SLC35F4: variants seen among roughly 807,000 people sequenced by gnomAD.
The protein encoded by SLC35F4 is chromosome 14 open reading frame 36.
In SLC35F4, 24 loss-of-function variants were observed where a neutral mutation model predicts 44.2. The ratio of observed to expected loss-of-function variants is 0.54; its 90% CI spans 0.39 to 0.76. The LOEUF (loss-of-function observed/expected upper bound fraction) is 0.76, where lower values mean the gene tolerates loss of function less well. SLC35F4 is among the 30% of genes least tolerant of loss of function. The pLI, the probability that SLC35F4 is intolerant of heterozygous loss-of-function variation, is 0.00. For missense variants in SLC35F4, 562 were observed against 586.1 expected, an observed-to-expected ratio of 0.96 and a Z score of 0.42; for synonymous variants, 238 against 223.6, an observed-to-expected ratio of 1.06 and a Z score of -0.57.
At chr14:57,831,811 C>T (rs1884398634) in intron 1 of SLC35F4, among the ~76,000 whole-genome samples, 1 of 152,082 alleles carries the variant, frequency 6.6e-6, no homozygotes, top group Non-Finnish European at 1.5e-5. Context: ...CAGAAGAATG[C>T]ATTCTAATAA....
chr14:57,805,625 G>A (rs1881226551), intron 1 of SLC35F4, among the ~76,000 whole-genome samples: 1 of 152,096 alleles, frequency 6.6e-6, no homozygotes, highest in African/African-American at 2.4e-5. Context: ...CTGTTGGAGT[G>A]GGGAGTAGGG....
chr14:57,589,083 TC>T (rs1383856290), intron 3 of SLC35F4, 132 bp downstream of exon 3: 1 of 923,972 alleles, frequency 1.1e-6, no homozygotes, highest in Non-Finnish European at 1.6e-6. Flanking sequence ...CTTCTAGTGC[TC>T]GTCTCCAACC....
At chr14:57,744,340 C>A (rs2076699835) in intron 1 of SLC35F4, among the ~76,000 whole-genome samples, 1 of 152,036 alleles carries the variant, frequency 6.6e-6, no homozygotes, top group East Asian at 1.9e-4. Flanking sequence ...TTGTCTCAGC[C>A]CAAAATCTCC....
At chr14:57,879,307 C>A (rs1888468420) in intron 1 of SLC35F4, among the ~76,000 whole-genome samples, 1 of 152,088 alleles carries the variant, frequency 6.6e-6, no homozygotes, top group African/African-American at 2.4e-5. Context: ...TCGCTAAATA[C>A]ACTGCTCTTG....
At chr14:57,920,938 A>G (rs900267570) in intron 1 of SLC35F4, among the ~76,000 whole-genome samples, 1 of 152,214 alleles carries the variant, frequency 6.6e-6, no homozygotes, top group African/African-American at 2.4e-5. Flanking sequence ...TTTTTATAAC[A>G]AATGAACAGT....
chr14:57,902,939 C>T (rs1022645697), intron 1 of SLC35F4, among the ~76,000 whole-genome samples: 6 of 152,186 alleles, frequency 3.9e-5, no homozygotes, highest in Non-Finnish European at 7.3e-5. Context: ...TTCTACACAA[C>T]ACATCTTTGC....
At chr14:57,747,718 C>CTA (rs2076793268) in intron 1 of SLC35F4, among the ~76,000 whole-genome samples, 5 of 152,158 alleles carry the variant, frequency 3.3e-5, no homozygotes, top group African/African-American at 1.2e-4. Context: ...TACTATTATG[C>CTA]TACCTAAAAA....
chr14:57,907,473 T>C (rs1299172779), intron 1 of SLC35F4, among the ~76,000 whole-genome samples: 1 of 152,186 alleles, frequency 6.6e-6, no homozygotes, highest in East Asian at 1.9e-4. Context: ...AGAAATCCTC[T>C]TCTTAGCAAA....
chr14:57,891,869 C>T (rs929542384), intron 1 of SLC35F4, among the ~76,000 whole-genome samples: 2 of 152,108 alleles, frequency 1.3e-5, no homozygotes, highest in Admixed American at 1.3e-4. Context: ...AGCAAGAATC[C>T]ACCTCAAACA....
chr14:57,602,198 T>C (rs1332966366), intron 1 of SLC35F4, among the ~76,000 whole-genome samples: 1 of 150,476 alleles, frequency 6.6e-6, no homozygotes, highest in Non-Finnish European at 1.5e-5. Flanking sequence ...TAGAGGACAA[T>C]GGATTCAAAC....
intron 1 of SLC35F4, among the ~76,000 whole-genome samples, chr14:57,691,130 G>T (rs1404234974): frequency 6.6e-6 from 1 of 152,032 alleles, no homozygotes; most frequent in Non-Finnish European, 1.5e-5. Flanking sequence ...CTTGTAAGAA[G>T]TAATCAACAA....
At position 57,907,406 on chromosome 14, in the gene SLC35F4, T is replaced by C. The variant is rs191329230; in HGVS notation, n.282+74507A>G. Among the ~76,000 whole-genome samples the C allele has an allele frequency of 5.9e-5, 9 of 152,294 alleles. No homozygotes were observed. In the East Asian group the frequency reaches 1.7e-3, roughly 29 times the overall value. The stretch of plus-strand genomic sequence containing the variant: ...ACAATATATATTTCTGAAGTGTGCC[T>C]GTATCCACTTTGGGGCAGGGGAGAA... On this transcript the variant is annotated intron_variant and non_coding_transcript_variant, in intron 1 of 1. Coordinates refer to the SLC35F4 transcript ENST00000556568.
chr14:57,764,600 G>A (rs775099482), intron 1 of SLC35F4, among the ~76,000 whole-genome samples: 2 of 152,160 alleles, frequency 1.3e-5, no homozygotes, highest in Non-Finnish European at 2.9e-5. Context: ...TAAGCTCCAG[G>A]ATTTTTAAAA....
intron 1 of SLC35F4, among the ~76,000 whole-genome samples, chr14:57,898,336 A>G (rs1216666367): frequency 6.6e-6 from 1 of 152,234 alleles, no homozygotes; most frequent in African/African-American, 2.4e-5. Context: ...TGCAGGTTAA[A>G]ACACATGCAT....
At chr14:57,619,378 G>A (rs745807645) in intron 1 of SLC35F4, among the ~76,000 whole-genome samples, 11 of 150,690 alleles carry the variant, frequency 7.3e-5, no homozygotes, top group East Asian at 1.9e-4. Context: ...TGCAGCCTCC[G>A]CTGGTGATAC....
intron 1 of SLC35F4, among the ~76,000 whole-genome samples, chr14:57,904,797 A>T (rs78542450): frequency 0.017 from 2,588 of 152,274 alleles, 48 homozygotes; most frequent in Non-Finnish European, 0.028. Context: ...GATGGTGCAG[A>T]TCCCAGCACC....
intron 1 of SLC35F4, among the ~76,000 whole-genome samples, chr14:57,850,755 A>G (rs1250523830): frequency 6.6e-6 from 1 of 152,196 alleles, no homozygotes; most frequent in Non-Finnish European, 1.5e-5. Context: ...TAGACCAACA[A>G]TCCAAGGGTA....
In SLC35F4 at chr14:57,817,638, G is replaced by T. The variant is rs77653849; in HGVS notation, c.103+48085C>A. Among the ~76,000 whole-genome samples the T allele has an allele frequency of 7.7e-3, 1,176 of 152,110 alleles. 18 individuals carry two copies. The highest frequency in any genetic ancestry group is 0.054 in the East Asian group (279 of 5,152). On this transcript the variant is annotated intron_variant, in intron 1 of 7. Coordinates refer to ENST00000556826, the MANE Select transcript of SLC35F4 (RefSeq NM_001306087.2). ...AATACATATGAGACAGGTCTTCAGG[G>T]TTTTACAAGCAGAAAATGCAGTGGG...
At chr14:57,928,472 T>C (rs1889626436) in intron 1 of SLC35F4, among the ~76,000 whole-genome samples, 1 of 152,194 alleles carries the variant, frequency 6.6e-6, no homozygotes, top group South Asian at 2.1e-4. Context: ...CCAACAGTCA[T>C]GAGGAACACT....
Sources: allele counts gnomAD v4.1 joint callset (sites outside exome capture counted in the v4.1 genomes callset), GRCh38; gene constraint gnomAD v4.1.1; transcripts MANE v1.5; gene names NCBI Gene and HGNC (gene_info 2026-07-23, HGNC 2026-07-21).